Variants in RIC8B observed in about 807,000 individuals in gnomAD.
The protein encoded by RIC8B is RIC8 guanine nucleotide exchange factor B, also known as chaperone Ric-8B.
In RIC8B, 16 loss-of-function variants were observed where a neutral mutation model predicts 57.5. The ratio of observed to expected loss-of-function variants is 0.28; its 90% confidence interval spans 0.19 to 0.42. The LOEUF (loss-of-function observed/expected upper bound fraction) is 0.42, where lower values mean the gene tolerates loss of function less well. Ranked by LOEUF, RIC8B falls within the 10% of genes least tolerant of loss-of-function variation. The pLI, the probability that RIC8B is intolerant of heterozygous loss-of-function variation, is 1.00. For synonymous variants in RIC8B, 216 were observed against 250.8 expected, an observed-to-expected ratio of 0.86 and a Z score of 1.31; for missense variants, 481 against 677.0, an observed-to-expected ratio of 0.71 and a Z score of 3.21.
At chr12:106,874,239 C>T (rs1042678973) in intron 9 of RIC8B, among the ~76,000 whole-genome samples, 3 of 152,232 alleles carry the variant, frequency 2.0e-5, no homozygotes, top group African/African-American at 7.2e-5. Flanking sequence ...AACACTTCCT[C>T]ATCACCCTGT....
chr12:106,873,426 A>G (rs922080144), intron 9 of RIC8B, among the ~76,000 whole-genome samples: 1 of 152,226 alleles, frequency 6.6e-6, no homozygotes, highest in African/African-American at 2.4e-5. Context: ...CAAAGCAGTA[A>G]TGCAAAGAAT....
intron 3 of RIC8B, among the ~76,000 whole-genome samples, chr12:106,817,918 G>T (rs1045315556): frequency 2.0e-5 from 3 of 151,260 alleles, no homozygotes; most frequent in Admixed American, 6.6e-5. Context: ...TTGATTGTCC[G>T]ACAAAAGACA....
rs186081786 is a variant in RIC8B, at chr12:106,847,249, G to T, written c.1161+3302G>T. Among the ~76,000 whole-genome samples, 878 of 152,168 alleles carry T rather than the reference G, an allele frequency of 5.8e-3. 12 individuals carry two copies. Among genetic ancestry groups the T allele is most frequent in the Non-Finnish European group, 8.0e-3 (547 of 67,994 alleles). On this transcript the variant is annotated intron_variant, in intron 6 of 9. Transcript: ENST00000392837. ...ATTTGTTGGAGGTAGTATTCTAGGG[G>T]GAAATACATAGGCAGTTTGGGAGTG... is the stretch of plus-strand genomic sequence containing the variant.
intron 2 of RIC8B, among the ~76,000 whole-genome samples, chr12:106,784,607 C>T (rs767338170): frequency 3.9e-5 from 6 of 152,194 alleles, no homozygotes; most frequent in Non-Finnish European, 7.3e-5. Flanking sequence ...AGTGATCCCT[C>T]CTGCCTTAAC....
At chr12:106,812,999 T>C (rs2045403956) in intron 2 of RIC8B, among the ~76,000 whole-genome samples, 2 of 152,092 alleles carry the variant, frequency 1.3e-5, no homozygotes, top group African/African-American at 2.4e-5. Flanking sequence ...ATTTAATCAA[T>C]TGTAGGTTGA....
intron 1 of RIC8B, among the ~76,000 whole-genome samples, chr12:106,779,134 A>G (rs888644935): frequency 6.6e-6 from 1 of 152,084 alleles, no homozygotes; most frequent in Non-Finnish European, 1.5e-5. Context: ...GCTGGTCTCG[A>G]ATTTCCGACC....
At chr12:106,806,757 G>A (rs1251388168) in intron 2 of RIC8B, among the ~76,000 whole-genome samples, 1 of 152,136 alleles carries the variant, frequency 6.6e-6, no homozygotes, top group Non-Finnish European at 1.5e-5. Context: ...TTGAACCCGG[G>A]AGGCGGAGAT....
intron 3 of RIC8B, among the ~76,000 whole-genome samples, chr12:106,824,934 A>AT (rs1425550460): frequency 2.0e-5 from 3 of 152,106 alleles, no homozygotes; most frequent in African/African-American, 7.2e-5. Flanking sequence ...AAGTTTTATA[A>AT]TTTTTTAGTA....
At chr12:106,875,838 TAA>T (rs1292503671) in intron 9 of RIC8B, among the ~76,000 whole-genome samples, 1 of 152,158 alleles carries the variant, frequency 6.6e-6, no homozygotes, top group East Asian at 1.9e-4. Context: ...ACTTTTATAA[TAA>T]ATGCAGGCAC....
At chr12:106,784,271 CAG>C (rs1280468241) in intron 2 of RIC8B, among the ~76,000 whole-genome samples, 1 of 152,180 alleles carries the variant, frequency 6.6e-6, no homozygotes, top group African/African-American at 2.4e-5. Context: ...TTGTATAAAT[CAG>C]GGGAGTGGGA....
At chr12:106,870,353 G>T (rs542739902) in intron 8 of RIC8B, among the ~76,000 whole-genome samples, 2 of 152,104 alleles carry the variant, frequency 1.3e-5, no homozygotes, top group Non-Finnish European at 2.9e-5. Context: ...AATTTCCTGA[G>T]ATTATAAATT....
chr12:106,780,740 C>T (rs775965373), intron 1 of RIC8B, among the ~76,000 whole-genome samples: 4 of 152,166 alleles, frequency 2.6e-5, no homozygotes, highest in Non-Finnish European at 5.9e-5. Flanking sequence ...GGTTTATTCC[C>T]TTGTAGTAGT....
At chr12:106,780,131 G>A (rs1042736006) in intron 1 of RIC8B, among the ~76,000 whole-genome samples, 2 of 151,904 alleles carry the variant, frequency 1.3e-5, no homozygotes, top group Non-Finnish European at 2.9e-5. Context: ...TCTTTACATC[G>A]CAGGCTATTT....
At chr12:106,776,615 C>G (rs145209003) in intron 1 of RIC8B, among the ~76,000 whole-genome samples, 32 of 152,302 alleles carry the variant, frequency 2.1e-4, no homozygotes, top group Admixed American at 9.2e-4. Context: ...TCCAATTTAT[C>G]TCTTCTCATT....
chr12:106,778,332 T>TA (rs1472456222), intron 1 of RIC8B, among the ~76,000 whole-genome samples: 1 of 152,214 alleles, frequency 6.6e-6, no homozygotes, highest in African/African-American at 2.4e-5. Flanking sequence ...TGACCTTTGT[T>TA]ATCTTGGAGA....
intron 2 of RIC8B, among the ~76,000 whole-genome samples, chr12:106,787,976 T>G (rs1165861690): frequency 6.6e-6 from 1 of 152,072 alleles, no homozygotes; most frequent in Non-Finnish European, 1.5e-5. Context: ...GTCCAAAGTC[T>G]CATCTGAGAC....
Position 106,864,359 on chromosome 12 carries a change from A to G in RIC8B, c.1451+3947A>G, listed in dbSNP as rs140166269. On this transcript the variant is annotated intron_variant, in intron 8 of 9. Transcript: ENST00000392837. ...TCATCTGAGGCCTTCTGTGTTGCCTATTTCTCCACAAGTGGCTCCCTAACG... is the reference window on the plus strand; with the variant it reads ...TCATCTGAGGCCTTCTGTGTTGCCTGTTTCTCCACAAGTGGCTCCCTAACG... Among the ~76,000 whole-genome samples the G allele has an allele frequency of 7.6e-3, 1,153 of 152,188 alleles. 8 individuals are homozygous for G. The highest frequency in any genetic ancestry group is 0.014 in the Middle Eastern group (4 of 294).
intron 4 of RIC8B, among the ~76,000 whole-genome samples, chr12:106,834,272 A>G (rs1212419655): frequency 6.6e-6 from 1 of 152,240 alleles, no homozygotes. Context: ...TGGCATACAA[A>G]AGGCTCTGCC....
intron 2 of RIC8B, among the ~76,000 whole-genome samples, chr12:106,798,341 A>G (rs1566050760): frequency 1.3e-5 from 2 of 151,654 alleles, no homozygotes; most frequent in South Asian, 4.2e-4. Flanking sequence ...CACGTTCTCA[A>G]CTCCTCTATT....
Sources: allele counts gnomAD v4.1 joint callset (sites outside exome capture counted in the v4.1 genomes callset), GRCh38; gene constraint gnomAD v4.1.1; transcripts MANE v1.5; gene names NCBI Gene and HGNC (gene_info 2026-07-23, HGNC 2026-07-21).